Variants in CEP63 observed in about 807,000 individuals in gnomAD.
The protein encoded by CEP63 is centrosomal protein of 63 kDa.
CEP63 carries 84 observed loss-of-function variants against 89.1 expected under a neutral mutation model. That is an observed-to-expected ratio of 0.94 (90% CI 0.79 to 1.13). The LOEUF (loss-of-function observed/expected upper bound fraction) is 1.13. CEP63 is among the 50% of genes most tolerant of loss of function. The pLI is 0.00. For synonymous variants in CEP63, 267 were observed against 272.5 expected (o/e 0.98, Z 0.20); for missense variants, 838 against 813.3 (o/e 1.03, Z -0.37).
At chr3:134,594,096 A>T in the CEP63 span, among the ~76,000 whole-genome samples, 1 of 152,248 alleles carries the variant, frequency 6.6e-6, no homozygotes. Context: ...GTTCACATAC[A>T]TTCAAATACA....
chr3:134,769,281 G>A, the CEP63 span, among the ~76,000 whole-genome samples: 2 of 152,162 alleles, frequency 1.3e-5, no homozygotes, highest in Admixed American at 6.5e-5. Context: ...CCCCACCTCA[G>A]ACCTACTGAA....
Position 134,537,162 on chromosome 3 carries a change from G to A in CEP63, c.449G>A (p.Arg150His), listed in dbSNP as rs201316330. The A allele has an allele frequency of 2.1e-4, 342 of 1,611,044 alleles. No individual in the cohort carries two copies. Among genetic ancestry groups the A allele is most frequent in the Non-Finnish European group, 1.8e-4 (215 of 1,177,246 alleles). Reference protein sequence around the residue: ...ERLTAKIEEFRQKSLDWEKQR... With the variant: ...ERLTAKIEEFHQKSLDWEKQR... ...CTCTAATTGCCTCCTCAGGAATTCC[G>A]TCAGAAATCGCTGGACTGGGAGAAG... is the stretch of plus-strand genomic sequence containing the variant. The change falls in exon 6 of 15, where the codon CGT becomes CAT. Residue 150 changes from arginine (R) to histidine (H), a missense_variant. Arg to His is a conservative substitution (Grantham distance 29). Transcript: ENST00000675561.
downstream of CEP63, among the ~76,000 whole-genome samples, chr3:134,569,677 C>T (rs748627949): frequency 5.3e-5 from 8 of 152,152 alleles, no homozygotes; most frequent in South Asian, 2.1e-4. Flanking sequence ...TGCAAGCTGT[C>T]GGTGGATCTA....
At chr3:134,500,636 T>G (rs574824992) in intron 2 of CEP63, among the ~76,000 whole-genome samples, 6 of 152,324 alleles carry the variant, frequency 3.9e-5, no homozygotes, top group Non-Finnish European at 7.4e-5. Context: ...CCATTCTGAC[T>G]GGTATGAGGT....
At chr3:134,523,592 C>A (rs150013478) in intron 3 of CEP63, among the ~76,000 whole-genome samples, 1 of 152,246 alleles carries the variant, frequency 6.6e-6, no homozygotes, top group African/African-American at 2.4e-5. Flanking sequence ...GGTCCAGTTG[C>A]AATCTTCTGC....
At position 134,507,188 on chromosome 3, in the gene CEP63, G is replaced by A. The variant is rs1191468079; in HGVS notation, c.124G>A (p.Glu42Lys). Residue 42 changes from glutamate to lysine, a missense_variant, in exon 3 of 15, where the codon GAA (glutamate) becomes AAA (lysine). Glu to Lys is a moderately conservative substitution (Grantham distance 56). Coordinates refer to ENST00000675561, the MANE Select transcript of CEP63 (RefSeq NM_001353108.3). ...IDIMVAHKKS[E>K]WEGRTHALET... is the part of the protein sequence containing the mutation. ...CATAATGGTGGCTCATAAAAAATCT[G>A]AATGGGAAGGACGTACACATGCTCT... The A allele has an allele frequency of 6.2e-7, 1 of 1,613,588 alleles. No homozygotes were observed. The highest frequency in any genetic ancestry group is 8.5e-7 in the Non-Finnish European group (1 of 1,179,824).
chr3:134,742,355 A>T, the CEP63 span, among the ~76,000 whole-genome samples: 3 of 152,166 alleles, frequency 2.0e-5, no homozygotes, highest in African/African-American at 7.2e-5. Flanking sequence ...GATGGCAACA[A>T]GTCCAGAGTG....
At position 134,558,289 on chromosome 3, in the gene CEP63, G is replaced by A. The variant is rs768438089; in HGVS notation, c.1615G>A (p.Asp539Asn). 1 of 1,613,694 alleles carries A rather than the reference G, an allele frequency of 6.2e-7. No individual in the cohort carries two copies. Reference protein sequence around the residue: ...ISTQMCKKQNDRIFKPTHSRT... With the variant: ...ISTQMCKKQNNRIFKPTHSRT... Reference sequence around the variant, plus strand: ...TACTCAGATGTGCAAAAAACAAAATGACAGGATCTTTAAACCAACACACAG... The same window carrying A: ...TACTCAGATGTGCAAAAAACAAAATAACAGGATCTTTAAACCAACACACAG... The change falls in exon 13 of 15, where the codon GAC becomes AAC. Residue 539 changes from aspartate (D) to asparagine (N), a missense_variant. Physicochemically the swap from Asp to Asn is conservative, Grantham distance 23 (BLOSUM62 1). Transcript: ENST00000675561.
At chr3:134,632,308 G>A in the CEP63 span, among the ~76,000 whole-genome samples, 996 of 152,016 alleles carry the variant, frequency 6.6e-3, 11 homozygotes, top group Middle Eastern at 0.068. Flanking sequence ...ACAGCACAAC[G>A]CACATTCATG....
the CEP63 span, among the ~76,000 whole-genome samples, chr3:134,598,936 C>T: frequency 6.6e-6 from 1 of 152,232 alleles, no homozygotes; most frequent in Non-Finnish European, 1.5e-5. Context: ...GGCTGTTCTT[C>T]CCCTTTGGTC....
At chr3:134,621,443 G>A in the CEP63 span, among the ~76,000 whole-genome samples, 3 of 152,150 alleles carry the variant, frequency 2.0e-5, no homozygotes, top group African/African-American at 7.2e-5. Context: ...CTTTGACAAG[G>A]GTGTCAAGTC....
At chr3:134,657,169 G>A in the CEP63 span, among the ~76,000 whole-genome samples, 3,012 of 152,262 alleles carry the variant, frequency 0.02, 33 homozygotes, top group Non-Finnish European at 0.033. Context: ...CTTACATGGC[G>A]GCAGCGAAAG....
chr3:134,775,766 G>C, the CEP63 span, among the ~76,000 whole-genome samples: 1 of 152,082 alleles, frequency 6.6e-6, no homozygotes, highest in South Asian at 2.1e-4. Context: ...CCGATTGCAG[G>C]GGTTATTTTG....
At chr3:134,698,810 G>A in the CEP63 span, among the ~76,000 whole-genome samples, 1 of 152,314 alleles carries the variant, frequency 6.6e-6, no homozygotes, top group African/African-American at 2.4e-5. Flanking sequence ...CACAGGGTGA[G>A]CACTTCATTC....
At chr3:134,498,277 T>C (rs1369255066) in intron 2 of CEP63, among the ~76,000 whole-genome samples, 1 of 152,152 alleles carries the variant, frequency 6.6e-6, no homozygotes, top group Non-Finnish European at 1.5e-5. Context: ...TTTATGTCCT[T>C]GGTTAAATTT....
At chr3:134,770,007 G>A in the CEP63 span, among the ~76,000 whole-genome samples, 1 of 152,202 alleles carries the variant, frequency 6.6e-6, no homozygotes, top group African/African-American at 2.4e-5. Context: ...TCATTGCATT[G>A]GTGTGCAGCA....
At chr3:134,591,451 G>C (rs1958593875), downstream of CEP63, among the ~76,000 whole-genome samples, 1 of 152,174 alleles carries the variant, frequency 6.6e-6, no homozygotes, top group African/African-American at 2.4e-5. Context: ...CGCAAGCTAG[G>C]CATGGTGACA....
chr3:134,642,415 A>G, the CEP63 span, among the ~76,000 whole-genome samples: 2 of 152,230 alleles, frequency 1.3e-5, no homozygotes, highest in Admixed American at 1.3e-4. Context: ...ACCAGGGCCC[A>G]GTATTTAATG....
chr3:134,757,586 T>C, the CEP63 span, among the ~76,000 whole-genome samples: 2 of 152,110 alleles, frequency 1.3e-5, no homozygotes, highest in Non-Finnish European at 2.9e-5. Flanking sequence ...TTTTCCATCC[T>C]AAAGACAGAA....
Sources: allele counts gnomAD v4.1 joint callset (sites outside exome capture counted in the v4.1 genomes callset), GRCh38; gene constraint gnomAD v4.1.1; transcripts MANE v1.5; gene names NCBI Gene and HGNC (gene_info 2026-07-23, HGNC 2026-07-21).